Variants in EXOC1 observed in about 807,000 individuals in gnomAD.
The protein encoded by EXOC1 is SEC3-like 1.
A neutral mutation model predicts 107.7 loss-of-function variants in EXOC1; 67 were observed. The observed-to-expected ratio is 0.62, with a 90% CI of 0.51 to 0.76. The LOEUF is 0.76. Among genes scored for constraint, EXOC1 ranks in the 30% least tolerant of loss-of-function variants. The pLI is 0.00. For synonymous variants in EXOC1, 348 were observed against 353.5 expected, an observed-to-expected ratio of 0.98 and a Z score of 0.17; for missense variants, 833 against 1,055.7, an observed-to-expected ratio of 0.79 and a Z score of 2.92.
At position 55,882,295 on chromosome 4, in the gene EXOC1, C is replaced by T. The variant is rs115318490; in HGVS notation, c.1225-1528C>T. Among the ~76,000 whole-genome samples, 1,217 of 152,148 alleles carry T rather than the reference C, an allele frequency of 8.0e-3. 24 individuals are homozygous for T. Among genetic ancestry groups the T allele is most frequent in the African/African-American group, 0.027 (1,134 of 41,480 alleles). ...AGCTGGGACTACAGGCATGTGCCACCGCTCCCGGCTAATTTTGCATTTTCT... is the reference window on the plus strand; with the variant it reads ...AGCTGGGACTACAGGCATGTGCCACTGCTCCCGGCTAATTTTGCATTTTCT... On this transcript the variant is annotated intron_variant, in intron 9 of 18. Transcript: ENST00000381295.
intron 16 of EXOC1, among the ~76,000 whole-genome samples, chr4:55,899,419 T>C (rs932302571): frequency 2.0e-5 from 3 of 152,126 alleles, no homozygotes; most frequent in African/African-American, 7.2e-5. Flanking sequence ...CCTAACACAT[T>C]TTGAATAATT....
chr4:55,879,912 G>A (rs1035759103), intron 9 of EXOC1, among the ~76,000 whole-genome samples: 1 of 151,800 alleles, frequency 6.6e-6, no homozygotes, highest in Non-Finnish European at 1.5e-5. Flanking sequence ...TAATTATATG[G>A]ACAATATGGC....
chr4:55,893,115 T>G (rs1370697793), intron 14 of EXOC1, among the ~76,000 whole-genome samples: 1 of 152,190 alleles, frequency 6.6e-6, no homozygotes, highest in African/African-American at 2.4e-5. Flanking sequence ...TTATTTGTTT[T>G]TTGTTGTTGT....
In EXOC1 at chr4:55,870,865, C is replaced by G; in HGVS notation, c.791C>G (p.Thr264Ser). The change falls in exon 6 of 19, where the codon ACT becomes AGT. Residue 264 changes from threonine (T) to serine (S), a missense_variant. Physicochemically the swap from Thr to Ser is moderately conservative, Grantham distance 58 (BLOSUM62 1). Around this residue, in one of 2 missense-constraint regions of EXOC1, gnomAD observed 617 missense variants for 701.3 expected, o/e 0.88. Coordinates refer to ENST00000381295, the MANE Select transcript of EXOC1 (RefSeq NM_001024924.2). The stretch of plus-strand genomic sequence containing the variant: ...AACCACCTAATTCATCTTAGTAACA[C>G]TAATAATGTAAAACTCCTATCTGAG... ...ESNHLIHLSN[T>S]NNVKLLSEIE... 1 of 1,613,714 alleles carries G rather than the reference C, an allele frequency of 6.2e-7. No individual in the cohort carries two copies. Among genetic ancestry groups the G allele is most frequent in the Non-Finnish European group, 8.5e-7 (1 of 1,179,858 alleles).
At chr4:55,896,104 T>C (rs1400627513) in intron 15 of EXOC1, among the ~76,000 whole-genome samples, 1 of 152,198 alleles carries the variant, frequency 6.6e-6, no homozygotes, top group Non-Finnish European at 1.5e-5. Context: ...TGACTGTTTT[T>C]ACTTTGTACA....
intron 1 of EXOC1, among the ~76,000 whole-genome samples, chr4:55,854,264 T>A (rs1307788814): frequency 4.1e-5 from 6 of 146,618 alleles, no homozygotes; most frequent in Admixed American, 1.4e-4. Context: ...ATGGCAATGC[T>A]TCATGCATTA....
intron 15 of EXOC1, among the ~76,000 whole-genome samples, chr4:55,896,449 A>T (rs867581755): frequency 7.9e-5 from 12 of 152,140 alleles, no homozygotes; most frequent in African/African-American, 2.9e-4. Context: ...CAGCTTATAG[A>T]TGGTTTTAAA....
Position 55,868,526 on chromosome 4 carries a change from A to G in EXOC1, c.603+3A>G. ...GAGAGCTGCAGGTGCTAGATGGGGT[A>G]AGACTTTCCTGAATTCTATGAATAA... On this transcript the variant is annotated splice_donor_region_variant and intron_variant, in intron 5 of 18. Coordinates refer to ENST00000381295, the MANE Select transcript of EXOC1 (RefSeq NM_001024924.2). The G allele has an allele frequency of 6.2e-7, 1 of 1,612,298 alleles. No homozygotes were observed. The highest frequency in any genetic ancestry group is 1.1e-5 in the South Asian group (1 of 90,940).
At chr4:55,862,922 A>T (rs940624649) in intron 3 of EXOC1, among the ~76,000 whole-genome samples, 2 of 151,992 alleles carry the variant, frequency 1.3e-5, no homozygotes, top group Non-Finnish European at 2.9e-5. Context: ...TTGTTTTGAG[A>T]CAGGGTCTCA....
intron 9 of EXOC1, 34 bp from the exon 10 acceptor site, chr4:55,883,789 A>G (rs769282174): frequency 7.5e-7 from 1 of 1,325,466 alleles, no homozygotes; most frequent in Non-Finnish European, 1.0e-6. Flanking sequence ...TATGTGTTTT[A>G]TTAATAAGAA....
chr4:55,902,924 A>C (rs1478614889), intron 18 of EXOC1, among the ~76,000 whole-genome samples: 1 of 151,898 alleles, frequency 6.6e-6, no homozygotes, highest in Non-Finnish European at 1.5e-5. Context: ...TGGAAACGAT[A>C]CATCTCTTGT....
At chr4:55,879,809 A>C (rs1723218481) in intron 9 of EXOC1, among the ~76,000 whole-genome samples, 1 of 152,234 alleles carries the variant, frequency 6.6e-6, no homozygotes, top group Non-Finnish European at 1.5e-5. Flanking sequence ...AAATACTCTG[A>C]GAAACATCTA....
intron 8 of EXOC1, chr4:55,876,526 A>G (rs1722909247): frequency 1.1e-6 from 1 of 921,196 alleles, no homozygotes; most frequent in South Asian, 5.0e-5. Context: ...TTTGGTGCCA[A>G]GCTTAGTCTG....
rs1450544709 is a variant in EXOC1, at chr4:55,879,894, A to G, written c.1224+1828A>G. ...ATCTAATGCATAAGCTGTGTTAATA[A>G]TTAATAATAATTATATGGACAATAT... On this transcript the variant is annotated intron_variant, in intron 9 of 18. Transcript: ENST00000381295. Among the ~76,000 whole-genome samples the G allele has an allele frequency of 2.6e-5, 4 of 152,272 alleles. No individual in the cohort carries two copies. In the East Asian group the frequency reaches 7.7e-4, roughly 29 times the overall value.
chr4:55,893,498 GA>G, intron 14 of EXOC1, 53 bp from the exon 15 acceptor site: 6 of 1,481,748 alleles, frequency 4.0e-6, no homozygotes, highest in Non-Finnish European at 5.6e-6. Context: ...AGTTAACGGT[GA>G]ATTCACCTGA....
At chr4:55,867,564 C>CAA (rs5858354) in intron 4 of EXOC1, among the ~76,000 whole-genome samples, 1,380 of 131,632 alleles carry the variant, frequency 0.01, 14 homozygotes, top group African/African-American at 0.028. Context: ...TGTATTTCCT[C>CAA]AAAAAAAAAA....
chr4:55,858,534 T>A, intron 2 of EXOC1, 87 bp downstream of exon 2: 1 of 1,394,458 alleles, frequency 7.2e-7, no homozygotes, highest in Non-Finnish European at 9.4e-7. Context: ...ATCCTCATTG[T>A]CTCTGTAATT....
intron 4 of EXOC1, among the ~76,000 whole-genome samples, chr4:55,866,176 G>A (rs1721942627): frequency 6.6e-6 from 1 of 152,100 alleles, no homozygotes; most frequent in African/African-American, 2.4e-5. Context: ...AGACTATTTT[G>A]ATTATAAATG....
intron 16 of EXOC1, 68 bp downstream of exon 16, chr4:55,896,968 G>A (rs574428685): frequency 2.2e-5 from 29 of 1,302,788 alleles, no homozygotes; most frequent in Middle Eastern, 2.3e-4. Context: ...CTAAGAAATC[G>A]GGAGCAGATA....
Sources: gnomAD v4.1 joint callset for allele counts (sites outside exome capture counted in the v4.1 genomes callset) on GRCh38, gnomAD v4.1.1 for gene constraint, gnomAD v4.1.1 regional missense constraint, MANE v1.5 for transcripts, NCBI Gene and HGNC (gene_info 2026-07-23, HGNC 2026-07-21) for gene names.